Variants in GRID2 observed in about 807,000 individuals in gnomAD.
GRID2 encodes glutamate receptor ionotropic, delta-2.
A neutral mutation model predicts 114.8 loss-of-function variants in GRID2; 33 were observed. The ratio of observed to expected loss-of-function variants is 0.29; its 90% CI spans 0.22 to 0.38. The LOEUF is 0.38. Among genes scored for constraint, GRID2 ranks in the 10% least tolerant of loss-of-function variants. GRID2 has a pLI of 1.00. For missense variants in GRID2, 1,184 were observed against 1,257.7 expected (o/e 0.94, Z 0.89); for synonymous variants, 505 against 449.9 (o/e 1.12, Z -1.55).
chr4:92,840,727 T>C (rs948271143), intron 2 of GRID2, among the ~76,000 whole-genome samples: 1 of 152,082 alleles, frequency 6.6e-6, no homozygotes, highest in Admixed American at 6.6e-5. Context: ...AAATAGTTTA[T>C]ACTGAAAACA....
chr4:92,489,532 A>G (rs1377841291), intron 1 of GRID2, among the ~76,000 whole-genome samples: 2 of 152,150 alleles, frequency 1.3e-5, no homozygotes, highest in African/African-American at 4.8e-5. Context: ...GAAATGATTC[A>G]TCTAATTTGT....
At chr4:93,369,281 C>G (rs1233561104) in intron 8 of GRID2, among the ~76,000 whole-genome samples, 1 of 152,150 alleles carries the variant, frequency 6.6e-6, no homozygotes, top group African/African-American at 2.4e-5. Flanking sequence ...CTCCCTCTAC[C>G]ATAGTCTTAA....
At chr4:93,166,388 G>T (rs952155963) in intron 4 of GRID2, among the ~76,000 whole-genome samples, 1 of 152,124 alleles carries the variant, frequency 6.6e-6, no homozygotes, top group African/African-American at 2.4e-5. Context: ...GGAAAGAAAA[G>T]AAGTCAGGTG....
intron 8 of GRID2, among the ~76,000 whole-genome samples, chr4:93,315,876 T>A (rs1756528563): frequency 6.6e-6 from 1 of 152,166 alleles, no homozygotes; most frequent in South Asian, 2.1e-4. Context: ...CTTAAAGTAA[T>A]GCATTTTGAT....
chr4:93,032,056 G>A (rs2149258746), intron 2 of GRID2, among the ~76,000 whole-genome samples: 1 of 152,220 alleles, frequency 6.6e-6, no homozygotes, highest in East Asian at 1.9e-4. Flanking sequence ...AGTAAGGAAA[G>A]CACAATCTCA....
At chr4:93,327,871 A>G (rs190999940) in intron 8 of GRID2, among the ~76,000 whole-genome samples, 23 of 152,220 alleles carry the variant, frequency 1.5e-4, no homozygotes, top group Non-Finnish European at 2.1e-4. Context: ...TTACACTTGT[A>G]CCCCATAAAT....
chr4:93,224,810 T>G, intron 7 of GRID2, 35 bp downstream of exon 7: 1 of 1,421,718 alleles, frequency 7.0e-7, no homozygotes, highest in Non-Finnish European at 9.8e-7. Context: ...AAGGATATGG[T>G]AAATAATTAT....
intron 14 of GRID2, among the ~76,000 whole-genome samples, chr4:93,638,175 A>G (rs41393748): frequency 0.12 from 18,773 of 152,034 alleles, 1,213 homozygotes; most frequent in Middle Eastern, 0.14. Context: ...ATAATAATCC[A>G]TTCTGCTTCT....
chr4:92,891,956 T>C (rs748431390), intron 2 of GRID2, among the ~76,000 whole-genome samples: 28 of 152,332 alleles, frequency 1.8e-4, no homozygotes, highest in Middle Eastern at 3.4e-3. Context: ...TTATTTTACC[T>C]TTGAAAGTAT....
chr4:93,531,443 C>CA (rs2149513903), intron 13 of GRID2, among the ~76,000 whole-genome samples: 1 of 152,088 alleles, frequency 6.6e-6, no homozygotes, highest in Admixed American at 6.6e-5. Flanking sequence ...GAGTTTGGTG[C>CA]ACCCTTCAAT....
chr4:92,981,792 T>C (rs976564869), intron 2 of GRID2, among the ~76,000 whole-genome samples: 5 of 151,928 alleles, frequency 3.3e-5, no homozygotes, highest in Admixed American at 1.3e-4. Context: ...CAATACAATA[T>C]AGAGACTAAT....
intron 2 of GRID2, among the ~76,000 whole-genome samples, chr4:92,700,787 T>G (rs1734635259): frequency 6.6e-6 from 1 of 152,056 alleles, no homozygotes; most frequent in Admixed American, 6.6e-5. Flanking sequence ...GGTCAGGAGA[T>G]GGAGACCATC....
intron 2 of GRID2, among the ~76,000 whole-genome samples, chr4:92,629,124 C>G (rs959474811): frequency 6.6e-6 from 1 of 151,448 alleles, no homozygotes; most frequent in Non-Finnish European, 1.5e-5. Flanking sequence ...TCCATCATGT[C>G]TTTGTATATG....
At chr4:92,450,757 CA>C (rs1314590863) in intron 1 of GRID2, among the ~76,000 whole-genome samples, 11 of 150,448 alleles carry the variant, frequency 7.3e-5, no homozygotes, top group Admixed American at 3.3e-4. Flanking sequence ...TGATCTGTGT[CA>C]ATCAAGTTTT....
At chr4:92,883,191 T>G (rs1746141329) in intron 2 of GRID2, among the ~76,000 whole-genome samples, 1 of 152,226 alleles carries the variant, frequency 6.6e-6, no homozygotes, top group Non-Finnish European at 1.5e-5. Context: ...GCATCTTCAC[T>G]AGGAGTAGAT....
At chr4:93,631,715 C>T (rs1321830818) in intron 14 of GRID2, among the ~76,000 whole-genome samples, 5 of 152,102 alleles carry the variant, frequency 3.3e-5, no homozygotes, top group Admixed American at 3.3e-4. Context: ...ATTTACAATC[C>T]TTTGGGTATA....
chr4:93,580,877 T>TTA (rs35248337), intron 13 of GRID2, among the ~76,000 whole-genome samples: 3,249 of 146,800 alleles, frequency 0.022, 93 homozygotes, highest in African/African-American at 0.075. Context: ...CAAATTGTCA[T>TTA]TATATATATA....
At chr4:92,423,984 T>C (rs1732029149) in intron 1 of GRID2, among the ~76,000 whole-genome samples, 1 of 152,154 alleles carries the variant, frequency 6.6e-6, no homozygotes, top group Non-Finnish European at 1.5e-5. Context: ...TCTGGGCTTC[T>C]ATGCTCTTCA....
chr4:93,788,505 AC>A (rs1402223219), intron 1 of GRID2, among the ~76,000 whole-genome samples: 1 of 152,156 alleles, frequency 6.6e-6, no homozygotes, highest in Non-Finnish European at 1.5e-5. Flanking sequence ...ACACATATGT[AC>A]ATATATATAT....
Sources: gnomAD v4.1 joint callset for allele counts (sites outside exome capture counted in the v4.1 genomes callset) on GRCh38, gnomAD v4.1.1 for gene constraint, MANE v1.5 for transcripts, NCBI Gene and HGNC (gene_info 2026-07-23, HGNC 2026-07-21) for gene names.